The following KIAA0825 variants were observed in gnomAD, a reference collection of about 807,000 sequenced individuals.
The protein encoded by KIAA0825 is KIAA0825, also known as uncharacterized protein KIAA0825.
In KIAA0825, 119 loss-of-function variants were observed where a neutral mutation model predicts 147.6. The observed-to-expected ratio is 0.81, with a 90% confidence interval of 0.69 to 0.94. The LOEUF (loss-of-function observed/expected upper bound fraction) is 0.94. Ranked by LOEUF, KIAA0825 falls within the 40% of genes least tolerant of loss-of-function variation. The pLI is 0.00. For synonymous variants in KIAA0825, 470 were observed against 518.1 expected (o/e 0.91, Z 1.26); for missense variants, 1,381 against 1,472.7 (o/e 0.94, Z 1.02).
intron 20 of KIAA0825, among the ~76,000 whole-genome samples, chr5:94,162,936 G>A (rs1311523680): frequency 1.3e-5 from 2 of 152,192 alleles, no homozygotes; most frequent in African/African-American, 4.8e-5. Context: ...CCAGTATTGA[G>A]TAGTAGCTGA....
chr5:94,524,069 G>C lies in KIAA0825; in HGVS notation c.161C>G (p.Ser54Cys), dbSNP rs371283025. The C allele has an allele frequency of 2.5e-6, 4 of 1,608,466 alleles. No individual in the cohort carries two copies. In the African/African-American group the frequency reaches 5.4e-5, roughly 22 times the overall value. The stretch of plus-strand genomic sequence containing the variant: ...ACCTGGACATTGTTTGTTAATTTCG[G>C]ACTGTATCTCTTTAATGCAATGTTT... Reference protein sequence around the residue: ...SIKHCIKEIQSEINKQCPGVQ... With the variant: ...SIKHCIKEIQCEINKQCPGVQ... The change falls in exon 4 of 21, where the codon TCC (serine) becomes TGC (cysteine). Residue 54 changes from serine (S) to cysteine (C), a missense_variant. Physicochemically the swap from Ser to Cys is moderately radical, Grantham distance 112. Transcript: ENST00000682413.
At chr5:94,517,237 T>C (rs1767411943) in intron 5 of KIAA0825, among the ~76,000 whole-genome samples, 1 of 152,234 alleles carries the variant, frequency 6.6e-6, no homozygotes, top group African/African-American at 2.4e-5. Flanking sequence ...AAATCTTCTT[T>C]TTTTGGCTTA....
At chr5:94,566,584 TTAGCTG>T (rs1205292683) in intron 2 of KIAA0825, among the ~76,000 whole-genome samples, 1 of 152,164 alleles carries the variant, frequency 6.6e-6, no homozygotes, top group Non-Finnish European at 1.5e-5. Context: ...AATGAGTTTC[TTAGCTG>T]TATCTGTCAT....
chr5:94,543,463 A>C (rs1773731698), intron 2 of KIAA0825, among the ~76,000 whole-genome samples: 1 of 152,202 alleles, frequency 6.6e-6, no homozygotes, highest in African/African-American at 2.4e-5. Flanking sequence ...TAAATAAATA[A>C]AAATAAAAAT....
At chr5:94,460,182 G>A (rs950140056) in intron 12 of KIAA0825, among the ~76,000 whole-genome samples, 1 of 152,108 alleles carries the variant, frequency 6.6e-6, no homozygotes, top group African/African-American at 2.4e-5. Flanking sequence ...TTCTGAACCT[G>A]CAGTTTAACT....
chr5:94,553,807 A>T (rs1014136811), intron 2 of KIAA0825, among the ~76,000 whole-genome samples: 11 of 152,004 alleles, frequency 7.2e-5, no homozygotes, highest in African/African-American at 1.2e-4. Flanking sequence ...AAAAAAATTT[A>T]AAAATGAGGC....
At chr5:94,526,399 T>C (rs1769284710) in intron 3 of KIAA0825, among the ~76,000 whole-genome samples, 1 of 151,974 alleles carries the variant, frequency 6.6e-6, no homozygotes, top group South Asian at 2.1e-4. Flanking sequence ...ATACAAGTAA[T>C]GTTTTATTTC....
At chr5:94,205,357 T>A (rs911980935) in intron 20 of KIAA0825, among the ~76,000 whole-genome samples, 5 of 148,898 alleles carry the variant, frequency 3.4e-5, no homozygotes, top group Non-Finnish European at 5.9e-5. Context: ...GATGGAGTGT[T>A]GTGGCGTGAT....
intron 1 of KIAA0825, among the ~76,000 whole-genome samples, chr5:94,595,969 T>C (rs2152405487): frequency 6.6e-6 from 1 of 152,324 alleles, no homozygotes; most frequent in South Asian, 2.1e-4. Context: ...CTCATCTCCA[T>C]CTGAGAACAC....
At chr5:94,371,729 CTG>C (rs1746739758) in intron 20 of KIAA0825, among the ~76,000 whole-genome samples, 1 of 152,172 alleles carries the variant, frequency 6.6e-6, no homozygotes, top group African/African-American at 2.4e-5. Flanking sequence ...CACAGCCAAA[CTG>C]TATCATTCTG....
chr5:94,213,890 C>A (rs759364412), intron 20 of KIAA0825, among the ~76,000 whole-genome samples: 1 of 152,166 alleles, frequency 6.6e-6, no homozygotes, highest in Non-Finnish European at 1.5e-5. Flanking sequence ...ACGTAACATG[C>A]TGGACTGTAA....
At position 94,494,314 on chromosome 5, in the gene KIAA0825, C is replaced by CTTTTTT. The variant is rs530332272; in HGVS notation, c.971-9390_971-9385dup. ...TCTTGTCCCTCTCCTATATTCAATCCTTTTTTTTTTTTTTTTTTTTTTTTG... is the reference window on the plus strand; with the variant it reads ...TCTTGTCCCTCTCCTATATTCAATCCTTTTTTTTTTTTTTTTTTTTTTTTTTTTTTG... On this transcript the variant is annotated intron_variant, in intron 5 of 20. Transcript: ENST00000682413. 3.3e-3 allele frequency among the ~76,000 whole-genome samples: 373 copies of CTTTTTT among 111,794 alleles called. 9 individuals carry two copies. Among genetic ancestry groups the CTTTTTT allele is most frequent in the African/African-American group, 9.3e-3 (239 of 25,602 alleles). 73.3% of individuals were successfully genotyped at this position (111,794 alleles called of 152,430 possible). A position where few individuals can be genotyped will look rare whatever the true frequency, so the allele number is the denominator to read the frequency against.
chr5:94,292,537 A>G (rs1233270506), intron 20 of KIAA0825, among the ~76,000 whole-genome samples: 1 of 151,732 alleles, frequency 6.6e-6, no homozygotes, highest in Non-Finnish European at 1.5e-5. Context: ...TTTATTGAGG[A>G]TTTATTGAGG....
At chr5:94,452,302 G>A (rs1210466228) in intron 13 of KIAA0825, among the ~76,000 whole-genome samples, 1 of 152,184 alleles carries the variant, frequency 6.6e-6, no homozygotes, top group Non-Finnish European at 1.5e-5. Context: ...AGTCAGCTTA[G>A]ATGGTAAAAT....
chr5:94,558,701 A>C lies in KIAA0825; in HGVS notation c.-1-21574T>G, dbSNP rs979265727. Reference sequence around the variant, plus strand: ...ACCGCAAAGTTTGGAGTACTCTGGCACTTGAGAAAACAGCAGAAACAGGAA... The same window carrying C: ...ACCGCAAAGTTTGGAGTACTCTGGCCCTTGAGAAAACAGCAGAAACAGGAA... On this transcript the variant is annotated intron_variant, in intron 2 of 20. Transcript: ENST00000682413. Among the ~76,000 whole-genome samples the C allele has an allele frequency of 2.6e-5, 4 of 152,332 alleles. No homozygotes were observed. In the East Asian group the frequency reaches 5.8e-4, roughly 22 times the overall value.
chr5:94,409,646 A>G (rs76350237), intron 15 of KIAA0825, among the ~76,000 whole-genome samples: 9,607 of 152,268 alleles, frequency 0.063, 339 homozygotes, highest in East Asian at 0.11. Context: ...AGAAACTGTT[A>G]GCTGAACAGT....
chr5:94,615,584 A>C (rs568830665), intron 1 of KIAA0825: 1 of 152,346 alleles, frequency 6.6e-6, no homozygotes, highest in South Asian at 2.1e-4. Context: ...AACACTGAAT[A>C]GCAGAGAATA....
At chr5:94,210,054 T>C (rs1376958426) in intron 20 of KIAA0825, among the ~76,000 whole-genome samples, 1 of 152,224 alleles carries the variant, frequency 6.6e-6, no homozygotes, top group African/African-American at 2.4e-5. Flanking sequence ...CACTTGTCAA[T>C]GGGCTTGTCT....
At chr5:94,350,131 T>C (rs1434507888) in intron 20 of KIAA0825, among the ~76,000 whole-genome samples, 1 of 152,048 alleles carries the variant, frequency 6.6e-6, no homozygotes, top group Non-Finnish European at 1.5e-5. Flanking sequence ...CAAAAGATCA[T>C]TCAAGGCTAC....
Sources: gnomAD v4.1 joint callset for allele counts (sites outside exome capture counted in the v4.1 genomes callset) on GRCh38, gnomAD v4.1.1 for gene constraint, MANE v1.5 for transcripts, NCBI Gene and HGNC (gene_info 2026-07-23, HGNC 2026-07-21) for gene names.